Variants in ANK3 observed in about 807,000 individuals in gnomAD.
The protein encoded by ANK3 is ankyrin 3.
In ANK3, 57 loss-of-function variants were observed where a neutral mutation model predicts 370.9. That is an observed-to-expected ratio of 0.15 (90% CI 0.12 to 0.19). The LOEUF is 0.19. ANK3 is among the 10% of genes least tolerant of loss of function. ANK3 has a pLI of 1.00. For missense variants in ANK3, 4,439 were observed against 5,302.1 expected (o/e 0.84, Z 5.06); for synonymous variants, 1,929 against 1,946.3 (o/e 0.99, Z 0.23).
At chr10:60,092,681 AACCTAAAC>A (rs2132041341) in intron 28 of ANK3, among the ~76,000 whole-genome samples, 1 of 152,336 alleles carries the variant, frequency 6.6e-6, no homozygotes, top group Non-Finnish European at 1.5e-5. Flanking sequence ...CTTCTCTGTA[AACCTAAAC>A]ACTGAAATCC....
At chr10:60,437,535 C>G (rs143337989) in intron 2 of ANK3, among the ~76,000 whole-genome samples, 170 of 152,254 alleles carry the variant, frequency 1.1e-3, no homozygotes, top group Middle Eastern at 0.01. Flanking sequence ...GTGCCTGGCA[C>G]TGAAGAGGGA....
chr10:60,376,128 C>T (rs576267987), intron 1 of ANK3, among the ~76,000 whole-genome samples: 8 of 152,278 alleles, frequency 5.3e-5, no homozygotes, highest in African/African-American at 1.7e-4. Flanking sequence ...AAACCCAAGC[C>T]GGTCTGCCTC....
At chr10:60,239,298 G>A (rs2097384370) in intron 7 of ANK3, among the ~76,000 whole-genome samples, 1 of 151,954 alleles carries the variant, frequency 6.6e-6, no homozygotes, top group African/African-American at 2.4e-5. Flanking sequence ...CTCAGGAGAT[G>A]CCAAGCAAGA....
chr10:60,540,247 G>A (rs546544934), intron 2 of ANK3, among the ~76,000 whole-genome samples: 8 of 151,834 alleles, frequency 5.3e-5, no homozygotes, highest in African/African-American at 1.9e-4. Flanking sequence ...CGAGATAATT[G>A]ATCATCCAAA....
At chr10:60,044,206 A>C (rs2076581844) in intron 42 of ANK3, 1 of 984,220 alleles carries the variant, frequency 1.0e-6, no homozygotes, top group South Asian at 4.7e-5. Flanking sequence ...AAAGTAGCAG[A>C]GTTTTTAATG....
chr10:60,547,756 A>G (rs1390582270), intron 2 of ANK3, among the ~76,000 whole-genome samples: 1 of 152,062 alleles, frequency 6.6e-6, no homozygotes, highest in Non-Finnish European at 1.5e-5. Context: ...TGCCCTTATC[A>G]AGCAAATTAA....
intron 2 of ANK3, among the ~76,000 whole-genome samples, chr10:60,601,557 G>A (rs1036050496): frequency 6.6e-6 from 1 of 151,952 alleles, no homozygotes; most frequent in Non-Finnish European, 1.5e-5. Context: ...CCTCAAGACC[G>A]TCAAGGTCAT....
rs192329038 is a variant in ANK3 at position 60,223,551 on chromosome 10, T to A, written c.898-10041A>T. Among the ~76,000 whole-genome samples the A allele has an allele frequency of 2.8e-3, 425 of 152,298 alleles. 1 individual carries two copies. In the South Asian group the frequency reaches 0.03, roughly 11 times the overall value. On this transcript the variant is annotated intron_variant, in intron 8 of 43. Transcript: ENST00000280772. ...TACTATGTCCATGAAAGTTGCCTAATAAAAATTACTGAGTAAATGAATGAA... is the reference window on the plus strand; with the variant it reads ...TACTATGTCCATGAAAGTTGCCTAAAAAAAATTACTGAGTAAATGAATGAA...
intron 2 of ANK3, among the ~76,000 whole-genome samples, chr10:60,429,115 C>A (rs1160036016): frequency 6.6e-6 from 1 of 152,052 alleles, no homozygotes; most frequent in African/African-American, 2.4e-5. Context: ...TTATGACAGG[C>A]AAAAACCCAA....
At chr10:60,682,503 T>C (rs981281669) in intron 1 of ANK3, among the ~76,000 whole-genome samples, 3 of 152,144 alleles carry the variant, frequency 2.0e-5, no homozygotes, top group Non-Finnish European at 2.9e-5. Context: ...TGTTATAATA[T>C]TGGGTGTGTT....
chr10:60,457,507 C>T (rs1044652757), intron 2 of ANK3, among the ~76,000 whole-genome samples: 2 of 152,102 alleles, frequency 1.3e-5, no homozygotes, highest in African/African-American at 4.8e-5. Flanking sequence ...CCCTTTTGCT[C>T]TCCCTTGGTG....
chr10:60,430,246 A>C (rs571022213), intron 2 of ANK3, among the ~76,000 whole-genome samples: 2 of 152,338 alleles, frequency 1.3e-5, no homozygotes, highest in South Asian at 2.1e-4. Flanking sequence ...TCAAAGAGGG[A>C]GAACTGGAAT....
chr10:60,246,850 C>T (rs1469175766), intron 7 of ANK3, among the ~76,000 whole-genome samples: 2 of 152,140 alleles, frequency 1.3e-5, no homozygotes, highest in Admixed American at 1.3e-4. Flanking sequence ...CCCACACCTG[C>T]TTCTCCCCAC....
At chr10:60,349,964 G>T (rs2056517292) in intron 1 of ANK3, among the ~76,000 whole-genome samples, 2 of 152,258 alleles carry the variant, frequency 1.3e-5, no homozygotes, top group Admixed American at 1.3e-4. Flanking sequence ...AATGGAATAG[G>T]ATACAATGGT....
intron 25 of ANK3, among the ~76,000 whole-genome samples, chr10:60,133,636 A>G (rs2094201082): frequency 6.6e-6 from 1 of 152,094 alleles, no homozygotes; most frequent in Non-Finnish European, 1.5e-5. Context: ...AAAATACAAC[A>G]TTCAGGCTGG....
chr10:60,452,265 G>T (rs2064626525), intron 2 of ANK3, among the ~76,000 whole-genome samples: 2 of 152,202 alleles, frequency 1.3e-5, no homozygotes, highest in South Asian at 4.1e-4. Flanking sequence ...TATTCATGCT[G>T]CCAGGGCTGT....
chr10:60,132,214 G>T (rs1590542771), intron 25 of ANK3, among the ~76,000 whole-genome samples: 1 of 152,104 alleles, frequency 6.6e-6, no homozygotes, highest in Non-Finnish European at 1.5e-5. Context: ...TTTCTCTAGT[G>T]CTAATACCCA....
intron 1 of ANK3, among the ~76,000 whole-genome samples, chr10:60,617,552 C>T (rs1397922881): frequency 6.6e-6 from 1 of 152,078 alleles, no homozygotes; most frequent in East Asian, 1.9e-4. Context: ...AGGATTAAAC[C>T]AGATAATGTA....
chr10:60,367,223 A>G lies in ANK3; in HGVS notation c.114+22202T>C, dbSNP rs553057593. ...CTGCCTTACATAACCGTTCCTACCA[A>G]ATGGGAGCTTGGCGTGACATCTGAC... is the stretch of plus-strand genomic sequence containing the variant. On this transcript the variant is annotated intron_variant, in intron 1 of 43. Coordinates refer to ENST00000280772, the MANE Select transcript of ANK3 (RefSeq NM_020987.5). Among the ~76,000 whole-genome samples the G allele has an allele frequency of 2.0e-5, 3 of 152,290 alleles. No individual in the cohort carries two copies. The East Asian group carries it at 5.8e-4, about 29-fold the overall frequency.
Sources: gnomAD v4.1 joint callset for allele counts (sites outside exome capture counted in the v4.1 genomes callset) on GRCh38, gnomAD v4.1.1 for gene constraint, MANE v1.5 for transcripts, NCBI Gene and HGNC (gene_info 2026-07-23, HGNC 2026-07-21) for gene names.